The following ATP6V1H variants were observed in gnomAD, a reference collection of about 807,000 sequenced individuals.
ATP6V1H encodes the protein V-type proton ATPase subunit H.
A neutral mutation model predicts 71.7 loss-of-function variants in ATP6V1H; 39 were observed. That is an observed-to-expected ratio of 0.54 (90% CI 0.42 to 0.71). ATP6V1H has a LOEUF of 0.71. Among genes scored for constraint, ATP6V1H ranks in the 30% least tolerant of loss-of-function variants. ATP6V1H has a pLI of 0.00. For synonymous variants in ATP6V1H, 192 were observed against 199.3 expected (o/e 0.96, Z 0.31); for missense variants, 509 against 594.9 (o/e 0.86, Z 1.50).
chr8:53,825,527 C>T (rs1309220208), intron 4 of ATP6V1H, among the ~76,000 whole-genome samples: 1 of 151,748 alleles, frequency 6.6e-6, no homozygotes, highest in African/African-American at 2.4e-5. Flanking sequence ...GATCCTCTAT[C>T]ATTAAACTGG....
chr8:53,751,388 G>A (rs1378885822), intron 12 of ATP6V1H, among the ~76,000 whole-genome samples: 1 of 152,180 alleles, frequency 6.6e-6, no homozygotes, highest in Non-Finnish European at 1.5e-5. Flanking sequence ...TGTACTAACC[G>A]AATTGGAAGT....
Position 53,743,774 on chromosome 8 carries a change from G to T in ATP6V1H, c.1278-84C>A. 6.0e-6 allele frequency: 5 copies of T among 835,616 alleles called. No individual in the cohort carries two copies. The South Asian group carries it at 6.5e-5, about 11-fold the overall frequency. The allele number at this position is 835,616 out of a possible 1,614,324, so 51.8% of individuals were successfully genotyped here. A position where few individuals can be genotyped will look rare whatever the true frequency, so the allele number is the denominator to read the frequency against. On this transcript the variant is annotated intron_variant, in intron 12 of 13. Transcript: ENST00000359530. ...AAGCAGGCAGCTCAAATACCAACAC[G>T]CTAAAAAGGAAAGTAACAATGTACG...
intron 2 of ATP6V1H, among the ~76,000 whole-genome samples, chr8:53,837,424 C>G (rs971750470): frequency 6.6e-6 from 1 of 151,358 alleles, no homozygotes; most frequent in East Asian, 1.9e-4. Flanking sequence ...ACAGAAAATA[C>G]GCAAATACAA....
At chr8:53,726,524 C>T (rs1303700069) in intron 13 of ATP6V1H, among the ~76,000 whole-genome samples, 1 of 152,138 alleles carries the variant, frequency 6.6e-6, no homozygotes, top group Non-Finnish European at 1.5e-5. Flanking sequence ...TGAATAGATA[C>T]TATTCTACCC....
In ATP6V1H at chr8:53,775,936, G is replaced by A. The variant is rs1808863739; in HGVS notation, c.871-3769C>T. Among the ~76,000 whole-genome samples, 3 of 152,258 alleles carry A rather than the reference G, an allele frequency of 2.0e-5. No homozygotes were observed. The South Asian group carries it at 6.2e-4, about 31-fold the overall frequency. On this transcript the variant is annotated intron_variant, in intron 9 of 13. Transcript: ENST00000359530. Reference sequence around the variant, plus strand: ...CCTTGGGCGGTCGATGGGACTGGGCGCCGTGGAGCAGGGGGCGGTGCTCAT... The same window carrying A: ...CCTTGGGCGGTCGATGGGACTGGGCACCGTGGAGCAGGGGGCGGTGCTCAT...
intron 11 of ATP6V1H, among the ~76,000 whole-genome samples, chr8:53,766,877 C>T (rs1315981510): frequency 3.9e-5 from 6 of 152,170 alleles, no homozygotes; most frequent in East Asian, 1.9e-4. Flanking sequence ...ATTTTAATTT[C>T]GCCTTAGTCC....
intron 12 of ATP6V1H, among the ~76,000 whole-genome samples, chr8:53,755,694 A>T (rs1177105145): frequency 0.028 from 32 of 1,138 alleles, no homozygotes; most frequent in African/African-American, 0.1. Context: ...ACATATATAT[A>T]TATATATATA....
At chr8:53,716,053 T>A in intron 13 of ATP6V1H, 29 bp from the exon 14 acceptor site, 1 of 1,578,908 alleles carries the variant, frequency 6.3e-7, no homozygotes, top group Non-Finnish European at 8.6e-7. Context: ...GTAAGGAGAA[T>A]GAGAATTTCA....
At chr8:53,800,879 A>G (rs1238379411) in intron 8 of ATP6V1H, among the ~76,000 whole-genome samples, 1 of 152,228 alleles carries the variant, frequency 6.6e-6, no homozygotes, top group East Asian at 1.9e-4. Flanking sequence ...TGTTGGACCC[A>G]GATGACAAAC....
chr8:53,819,713 C>A (rs1487349917), intron 4 of ATP6V1H, among the ~76,000 whole-genome samples: 9 of 133,914 alleles, frequency 6.7e-5, no homozygotes, highest in African/African-American at 2.6e-4. Flanking sequence ...TACGTATATA[C>A]ATATACTTTG....
intron 4 of ATP6V1H, among the ~76,000 whole-genome samples, chr8:53,822,451 T>C (rs1343082456): frequency 6.6e-6 from 1 of 152,040 alleles, no homozygotes; most frequent in East Asian, 1.9e-4. Context: ...AAAATACTAT[T>C]AAAAATGACA....
intron 12 of ATP6V1H, among the ~76,000 whole-genome samples, chr8:53,748,357 C>G (rs1807680497): frequency 6.6e-6 from 1 of 152,024 alleles, no homozygotes; most frequent in Non-Finnish European, 1.5e-5. Flanking sequence ...CTATATACTG[C>G]CAGGGGGACT....
chr8:53,723,138 C>T (rs1056173560), intron 13 of ATP6V1H, among the ~76,000 whole-genome samples: 4 of 152,156 alleles, frequency 2.6e-5, no homozygotes, highest in African/African-American at 9.6e-5. Context: ...AAGAATAAAG[C>T]AGATTATACA....
intron 13 of ATP6V1H, among the ~76,000 whole-genome samples, chr8:53,731,939 C>T (rs925507068): frequency 1.3e-5 from 2 of 152,220 alleles, no homozygotes; most frequent in Admixed American, 6.5e-5. Context: ...CAGTCCCCCA[C>T]GGAGGATCAA....
At position 53,833,095 on chromosome 8, in the gene ATP6V1H, T is replaced by A; in HGVS notation, c.114-9A>T. The A allele has an allele frequency of 6.2e-7, 1 of 1,602,262 alleles. No homozygotes were observed. On this transcript the variant is annotated splice_polypyrimidine_tract_variant and intron_variant, in intron 2 of 13. Transcript: ENST00000359530. ...CAGAAATCATCTGTCCCCTAGAAAG[T>A]AAGAATAAGATGTTTTGTTCAGTAA...
At position 53,717,507 on chromosome 8, in the gene ATP6V1H, A is replaced by C. The variant is rs947163769; in HGVS notation, c.1392-1483T>G. ...ACTCATTAATTTTGGATGTCACATT[A>C]AAGTGTTTAATATTCTTGTGCTACC... On this transcript the variant is annotated intron_variant, in intron 13 of 13. Transcript: ENST00000359530. Among the ~76,000 whole-genome samples, 9 of 152,232 alleles carry C rather than the reference A, an allele frequency of 5.9e-5. 1 individual carries two copies. Among genetic ancestry groups the C allele is most frequent in the Admixed American group, 5.2e-4 (8 of 15,280 alleles).
intron 12 of ATP6V1H, among the ~76,000 whole-genome samples, chr8:53,749,952 C>T (rs1412104776): frequency 6.6e-6 from 1 of 152,140 alleles, no homozygotes; most frequent in Non-Finnish European, 1.5e-5. Context: ...TCAGGGGCCA[C>T]AGGTGTTTTG....
intron 9 of ATP6V1H, among the ~76,000 whole-genome samples, chr8:53,772,490 C>T (rs1808699423): frequency 6.6e-6 from 1 of 152,118 alleles, no homozygotes; most frequent in African/African-American, 2.4e-5. Flanking sequence ...GCTGTGAGCT[C>T]TCATTTGTTG....
chr8:53,743,939 G>C (rs1416849120), intron 12 of ATP6V1H, among the ~76,000 whole-genome samples: 2 of 152,036 alleles, frequency 1.3e-5, no homozygotes, highest in Non-Finnish European at 2.9e-5. Context: ...AGAAACATAT[G>C]ATCTGCCTAG....
Sources: allele counts gnomAD v4.1 joint callset (sites outside exome capture counted in the v4.1 genomes callset), GRCh38; gene constraint gnomAD v4.1.1; transcripts MANE v1.5; gene names NCBI Gene and HGNC (gene_info 2026-07-23, HGNC 2026-07-21).